Variants in CFAP54 observed in about 807,000 individuals in gnomAD.
CFAP54 encodes cilia- and flagella-associated protein 54.
A neutral mutation model predicts 370.4 loss-of-function variants in CFAP54; 290 were observed. The ratio of observed to expected loss-of-function variants is 0.78; its 90% CI spans 0.71 to 0.86. The LOEUF is 0.86. Ranked by LOEUF, CFAP54 falls within the 40% of genes least tolerant of loss-of-function variation. CFAP54 has a pLI of 0.00. For synonymous variants in CFAP54, 1,206 were observed against 1,236.5 expected, an observed-to-expected ratio of 0.98 and a Z score of 0.52; for missense variants, 3,399 against 3,528.7, an observed-to-expected ratio of 0.96 and a Z score of 0.93.
intron 64 of CFAP54, among the ~76,000 whole-genome samples, chr12:96,813,304 T>A (rs2076834061): frequency 6.6e-6 from 1 of 152,188 alleles, no homozygotes; most frequent in Non-Finnish European, 1.5e-5. Flanking sequence ...TGTCCTTTGG[T>A]GGCACTGTGA....
At chr12:96,547,255 C>T (rs1486051164) in intron 14 of CFAP54, among the ~76,000 whole-genome samples, 2 of 152,044 alleles carry the variant, frequency 1.3e-5, no homozygotes, top group African/African-American at 4.8e-5. Context: ...GCATGATCTT[C>T]GCTCACTGCA....
At chr12:96,815,122 A>G (rs749070810) in intron 64 of CFAP54, among the ~76,000 whole-genome samples, 2 of 152,202 alleles carry the variant, frequency 1.3e-5, no homozygotes, top group Non-Finnish European at 2.9e-5. Context: ...TCCTTGAGGA[A>G]TTGCCACACT....
Position 96,811,785 on chromosome 12 carries a change from T to C in CFAP54, c.8900T>C (p.Val2967Ala). Residue 2967 changes from valine (V) to alanine (A), a missense_variant, in exon 64 of 68, where the codon GTT becomes GCT. Around this residue, in one of 3 missense-constraint regions of CFAP54, gnomAD observed 2,796 missense variants for 2,869.7 expected, o/e 0.97. Transcript: ENST00000524981. ...YNLKPLKISDVRHSTYNSTCV... is the reference protein window; with the variant it reads ...YNLKPLKISDARHSTYNSTCV... ...TTGAAGCCTCTGAAGATTTCAGATGTTAGACATTCCACTTATAACAGTACA... is the reference window on the plus strand; with the variant it reads ...TTGAAGCCTCTGAAGATTTCAGATGCTAGACATTCCACTTATAACAGTACA... The C allele has an allele frequency of 1.3e-6, 2 of 1,526,454 alleles. No individual in the cohort carries two copies. The highest frequency in any genetic ancestry group is 1.7e-6 in the Non-Finnish European group (2 of 1,143,136). The allele number at this position is 1,526,454 out of a possible 1,614,324, so 94.6% of individuals were successfully genotyped here. A position where few individuals can be genotyped will look rare whatever the true frequency, so the allele number is the denominator to read the frequency against.
intron 50 of CFAP54, among the ~76,000 whole-genome samples, chr12:96,738,166 CTGT>C (rs1260389533): frequency 6.6e-6 from 1 of 152,086 alleles, no homozygotes; most frequent in Non-Finnish European, 1.5e-5. Context: ...AAGGTGAAGC[CTGT>C]TGATGGATTG....
At chr12:96,531,487 T>A (rs1955439973) in intron 9 of CFAP54, among the ~76,000 whole-genome samples, 2 of 150,778 alleles carry the variant, frequency 1.3e-5, no homozygotes, top group African/African-American at 4.9e-5. Context: ...ATTCATTATT[T>A]AAAAAAAAAA....
At position 96,534,191 on chromosome 12, in the gene CFAP54, T is replaced by C. The variant is rs776005350; in HGVS notation, c.1669T>C (p.Ser557Pro). The change falls in exon 11 of 68, where the codon TCA (serine) becomes CCA (proline). Residue 557 changes from serine (S) to proline (P), a missense_variant. This residue lies in a region of CFAP54 where 2,796 missense variants were observed against 2,869.7 expected (regional missense o/e 0.97). Coordinates refer to ENST00000524981, the MANE Select transcript of CFAP54 (RefSeq NM_001306084.2). ...FPLENYKEGQ[S>P]TQIYLKKIAV... ...TTTGGAAAACTATAAAGAAGGACAGTCAACTCAAATTTATTTAAAAAAAAT... is the reference window on the plus strand; with the variant it reads ...TTTGGAAAACTATAAAGAAGGACAGCCAACTCAAATTTATTTAAAAAAAAT... 1.9e-5 allele frequency: 28 copies of C among 1,488,462 alleles called. No homozygotes were observed. The highest frequency in any genetic ancestry group is 2.1e-5 in the Non-Finnish European group (23 of 1,116,210). 92.2% of individuals were successfully genotyped at this position (1,488,462 alleles called of 1,614,324 possible). A position where few individuals can be genotyped will look rare whatever the true frequency, so the allele number is the denominator to read the frequency against.
intron 4 of CFAP54, among the ~76,000 whole-genome samples, chr12:96,509,571 T>A (rs1955142682): frequency 6.6e-6 from 1 of 152,126 alleles, no homozygotes; most frequent in Admixed American, 6.5e-5. Context: ...ATCCTAGCAC[T>A]TTGAGAGGCC....
At chr12:96,695,724 G>A (rs1031732671) in intron 45 of CFAP54, among the ~76,000 whole-genome samples, 2 of 152,208 alleles carry the variant, frequency 1.3e-5, no homozygotes, top group Admixed American at 1.3e-4. Flanking sequence ...AAATCTGCAG[G>A]CATTTATCAA....
intron 33 of CFAP54, among the ~76,000 whole-genome samples, chr12:96,647,471 C>CGAAAAAAA (rs1167008566): frequency 9.4e-4 from 10 of 10,688 alleles, no homozygotes; most frequent in Non-Finnish European, 2.0e-3. Flanking sequence ...AGACTCTGTC[C>CGAAAAAAA]CAAAAAAAAA....
chr12:96,847,910 C>G (rs1959403765), intron 66 of CFAP54, among the ~76,000 whole-genome samples: 1 of 152,186 alleles, frequency 6.6e-6, no homozygotes, highest in African/African-American at 2.4e-5. Flanking sequence ...GTGACAATGA[C>G]AATGGTAGTG....
chr12:96,794,032 A>G (rs745611596), intron 63 of CFAP54, among the ~76,000 whole-genome samples: 6 of 152,080 alleles, frequency 3.9e-5, no homozygotes, highest in African/African-American at 1.4e-4. Context: ...TTGGCTGACA[A>G]TTGTTTTGTT....
intron 41 of CFAP54, 136 bp from the exon 42 acceptor site, chr12:96,684,893 T>A: frequency 1.0e-6 from 1 of 973,508 alleles, no homozygotes; most frequent in Non-Finnish European, 1.6e-6. Context: ...AGAGAAACCA[T>A]TAAGAACAGT....
intron 60 of CFAP54, among the ~76,000 whole-genome samples, chr12:96,769,660 A>G (rs1395417929): frequency 2.0e-5 from 3 of 152,198 alleles, no homozygotes; most frequent in Non-Finnish European, 4.4e-5. Context: ...CAACATGGCA[A>G]TTATACCTTT....
At chr12:96,640,483 G>A (rs1956713095) in intron 32 of CFAP54, among the ~76,000 whole-genome samples, 1 of 152,170 alleles carries the variant, frequency 6.6e-6, no homozygotes, top group African/African-American at 2.4e-5. Context: ...TCAGTATTGT[G>A]AAAATGGCCA....
chr12:96,615,319 C>G (rs1349334203), intron 26 of CFAP54, among the ~76,000 whole-genome samples: 2 of 152,296 alleles, frequency 1.3e-5, no homozygotes, highest in East Asian at 3.8e-4. Context: ...ATGTAGAAAG[C>G]TGAAACTGGA....
intron 63 of CFAP54, among the ~76,000 whole-genome samples, chr12:96,797,402 A>T (rs1046595596): frequency 1.3e-5 from 2 of 152,084 alleles, no homozygotes; most frequent in Non-Finnish European, 2.9e-5. Flanking sequence ...CTTTTTTAAA[A>T]AATTAATTAC....
chr12:96,564,227 T>C (rs1290043668), intron 17 of CFAP54, among the ~76,000 whole-genome samples: 1 of 152,172 alleles, frequency 6.6e-6, no homozygotes. Context: ...CAAGATGAGA[T>C]AGAAAATCAA....
chr12:96,743,286 A>T, intron 52 of CFAP54, 116 bp from the exon 53 acceptor site: 1 of 966,494 alleles, frequency 1.0e-6, no homozygotes, highest in Non-Finnish European at 1.5e-6. Flanking sequence ...ATCTTAATAT[A>T]CTCCCCTGTT....
intron 55 of CFAP54, among the ~76,000 whole-genome samples, chr12:96,752,360 A>G (rs1958196246): frequency 6.6e-6 from 1 of 152,154 alleles, no homozygotes; most frequent in Non-Finnish European, 1.5e-5. Context: ...CAATATTTCA[A>G]TCATTTTTTC....
Sources: allele counts gnomAD v4.1 joint callset (sites outside exome capture counted in the v4.1 genomes callset), GRCh38; gene constraint gnomAD v4.1.1; regional missense constraint gnomAD v4.1.1; transcripts MANE v1.5; gene names NCBI Gene and HGNC (gene_info 2026-07-23, HGNC 2026-07-21).